The following LRRC37A2 variants were observed in gnomAD, a reference collection of about 807,000 sequenced individuals.
LRRC37A2 encodes leucine rich repeat containing 37 member A2.
LRRC37A2 carries 9 observed loss-of-function variants against 68.8 expected under a neutral mutation model. The observed-to-expected ratio is 0.13, with a 90% confidence interval of 0.08 to 0.23. The LOEUF is 0.23. Among genes scored for constraint, LRRC37A2 ranks in the 10% least tolerant of loss-of-function variants. The pLI, the probability that LRRC37A2 is intolerant of heterozygous loss-of-function variation, is 1.00. For synonymous variants in LRRC37A2, 63 were observed against 367.6 expected (o/e 0.17, Z 9.48); for missense variants, 168 against 950.4 (o/e 0.18, Z 10.82).
At chr17:46,939,713 C>T in the LRRC37A2 span, 2 of 985,700 alleles carry the variant, frequency 2.0e-6, no homozygotes, top group Non-Finnish European at 2.4e-6. Context: ...GCAGATCCCA[C>T]CGTGGAGACA....
chr17:46,984,261 G>A, the LRRC37A2 span, among the ~76,000 whole-genome samples: 1 of 140,888 alleles, frequency 7.1e-6, no homozygotes, highest in Non-Finnish European at 1.5e-5. Context: ...TAAATCCTTA[G>A]TTACCCTACA....
At chr17:46,905,097 G>T in the LRRC37A2 span, among the ~76,000 whole-genome samples, 1 of 151,672 alleles carries the variant, frequency 6.6e-6, no homozygotes, top group Non-Finnish European at 1.5e-5. Context: ...TTTGAGATGG[G>T]GTTTCGCTCT....
the LRRC37A2 span, among the ~76,000 whole-genome samples, chr17:46,994,428 T>C: frequency 7.2e-6 from 1 of 139,498 alleles, no homozygotes; most frequent in Non-Finnish European, 1.5e-5. Context: ...AGTTGAAGAG[T>C]GGGGAGGGTG....
chr17:46,756,076 T>C, the LRRC37A2 span: 1 of 452,928 alleles, frequency 2.2e-6, no homozygotes, highest in African/African-American at 2.0e-5. Flanking sequence ...AAGTGATTCC[T>C]TCTTGCTCAG....
chr17:47,044,574 G>A, the LRRC37A2 span, among the ~76,000 whole-genome samples: 2 of 151,116 alleles, frequency 1.3e-5, no homozygotes, highest in Admixed American at 6.6e-5. Context: ...ATACACACAC[G>A]GAAAGCAAAT....
the LRRC37A2 span, among the ~76,000 whole-genome samples, chr17:46,819,234 C>A: frequency 6.6e-6 from 1 of 152,188 alleles, no homozygotes; most frequent in Non-Finnish European, 1.5e-5. This position sits in a 1 kb window ranked among gnomAD's most constrained non-coding sequence, Gnocchi z 5.3. Context: ...CGCTCTCTGG[C>A]CTCTCGTCCT....
the LRRC37A2 span, chr17:46,751,681 CAGTATTTCCTTTGCCA>C: frequency 1.1e-6 from 1 of 906,896 alleles, no homozygotes; most frequent in Non-Finnish European, 1.7e-6. Flanking sequence ...CAAGAGGGTT[CAGTATTTCCTTTGCCA>C]AGGTTTTAAT....
chr17:46,755,206 A>T, the LRRC37A2 span: 1 of 775,188 alleles, frequency 1.3e-6, no homozygotes, highest in Admixed American at 1.9e-5. Flanking sequence ...TCAGTGACCT[A>T]GCAGAGCATT....
the LRRC37A2 span, among the ~76,000 whole-genome samples, chr17:46,467,729 G>A: frequency 2.5e-4 from 26 of 104,398 alleles, no homozygotes; most frequent in South Asian, 1.2e-3. Context: ...TGTGTTACAT[G>A]ATAAAGAAAA....
At chr17:46,870,860 A>C in the LRRC37A2 span, among the ~76,000 whole-genome samples, 31 of 150,664 alleles carry the variant, frequency 2.1e-4, no homozygotes, top group African/African-American at 7.3e-4. Context: ...CAAGTGCCAC[A>C]TCCAAGCAGG....
the LRRC37A2 span, among the ~76,000 whole-genome samples, chr17:46,717,943 C>G: frequency 6.6e-6 from 1 of 152,220 alleles, no homozygotes; most frequent in Non-Finnish European, 1.5e-5. Flanking sequence ...GACCCTGGCC[C>G]AGAAGAAGTG....
At chr17:46,774,362 G>GCA in the LRRC37A2 span, among the ~76,000 whole-genome samples, 141 of 152,066 alleles carry the variant, frequency 9.3e-4, no homozygotes, top group Middle Eastern at 3.4e-3. Context: ...GCGCGCGCGC[G>GCA]CACACACACA....
chr17:46,970,149 A>G, the LRRC37A2 span, among the ~76,000 whole-genome samples: 1 of 152,190 alleles, frequency 6.6e-6, no homozygotes, highest in African/African-American at 2.4e-5. Context: ...AGATCAGTAA[A>G]TGTGGTTCCA....
chr17:47,044,480 G>T, the LRRC37A2 span, among the ~76,000 whole-genome samples: 1 of 150,248 alleles, frequency 6.7e-6, no homozygotes, highest in Non-Finnish European at 1.5e-5. Flanking sequence ...GTTCTTAGGG[G>T]CTGCACACTG....
At chr17:46,713,940 A>C in the LRRC37A2 span, 1 of 1,608,456 alleles carries the variant, frequency 6.2e-7, no homozygotes, top group Admixed American at 1.7e-5. Context: ...TCTCCTGATA[A>C]AATGATTGGC....
the LRRC37A2 span, among the ~76,000 whole-genome samples, chr17:47,009,783 T>C: frequency 1.3e-5 from 2 of 152,366 alleles, no homozygotes; most frequent in African/African-American, 2.4e-5. Flanking sequence ...CGGGGCAGCA[T>C]TGCCCACTTA....
chr17:46,985,615 A>C, the LRRC37A2 span, among the ~76,000 whole-genome samples: 1 of 151,700 alleles, frequency 6.6e-6, no homozygotes, highest in African/African-American at 2.4e-5. Flanking sequence ...AGTTCTACAC[A>C]GTGGAGAATG....
chr17:46,775,671 TGACGTGATCTC>T, the LRRC37A2 span, among the ~76,000 whole-genome samples: 2 of 147,412 alleles, frequency 1.4e-5, no homozygotes, highest in Non-Finnish European at 3.0e-5. Context: ...TGGAATGCAG[TGACGTGATCTC>T]GGCTCACTGC....
the LRRC37A2 span, among the ~76,000 whole-genome samples, chr17:46,926,990 AGT>A: frequency 6.6e-6 from 1 of 152,206 alleles, no homozygotes; most frequent in Admixed American, 6.5e-5. Context: ...AAGCATTTAA[AGT>A]GTTTTACCAA....
Sources: gnomAD v4.1 joint callset for allele counts (sites outside exome capture counted in the v4.1 genomes callset) on GRCh38, gnomAD v4.1.1 for gene constraint, Gnocchi (gnomAD v3.1) non-coding constraint, MANE v1.5 for transcripts, NCBI Gene and HGNC (gene_info 2026-07-23, HGNC 2026-07-21) for gene names.